Variants in ROBO2 observed in about 807,000 individuals in gnomAD.
ROBO2 encodes roundabout guidance receptor 2.
A neutral mutation model predicts 160.8 loss-of-function variants in ROBO2; 53 were observed. The ratio of observed to expected loss-of-function variants is 0.33; its 90% CI spans 0.26 to 0.41. The LOEUF (loss-of-function observed/expected upper bound fraction) is 0.41, where lower values mean the gene tolerates loss of function less well. Ranked by LOEUF, ROBO2 falls within the 10% of genes least tolerant of loss-of-function variation. The pLI is 1.00. For missense variants in ROBO2, 1,577 were observed against 1,722.4 expected (o/e 0.92, Z 1.49); for synonymous variants, 664 against 611.7 (o/e 1.09, Z -1.26).
intron 2 of ROBO2, among the ~76,000 whole-genome samples, chr3:76,317,771 C>A (rs1415506828): frequency 1.3e-5 from 2 of 151,856 alleles, no homozygotes; most frequent in African/African-American, 4.8e-5. Flanking sequence ...TGCTTAGCAA[C>A]TATACTAAGA....
intron 2 of ROBO2, among the ~76,000 whole-genome samples, chr3:77,003,679 G>A (rs185356042): frequency 6.6e-6 from 1 of 152,120 alleles, no homozygotes; most frequent in East Asian, 1.9e-4. Context: ...TCCTACCTCA[G>A]CCTCCCATTG....
intron 2 of ROBO2, among the ~76,000 whole-genome samples, chr3:76,800,617 A>G (rs1404509197): frequency 6.6e-6 from 1 of 152,192 alleles, no homozygotes; most frequent in East Asian, 1.9e-4. Context: ...ACATGTAGAA[A>G]AAGGTGCTCA....
At chr3:77,263,258 T>A (rs1019381717) in intron 2 of ROBO2, among the ~76,000 whole-genome samples, 1 of 152,204 alleles carries the variant, frequency 6.6e-6, no homozygotes, top group African/African-American at 2.4e-5. Context: ...TTAATATTTT[T>A]AAGTTTTATT....
chr3:76,586,663 T>A (rs2108780647), intron 2 of ROBO2, among the ~76,000 whole-genome samples: 1 of 152,368 alleles, frequency 6.6e-6, no homozygotes, highest in African/African-American at 2.4e-5. Context: ...TGATCACATG[T>A]GGCTAGTAGC....
At chr3:76,338,796 T>C (rs2074047022) in intron 2 of ROBO2, among the ~76,000 whole-genome samples, 1 of 151,452 alleles carries the variant, frequency 6.6e-6, no homozygotes, top group African/African-American at 2.4e-5. Flanking sequence ...TTAATAAACA[T>C]AATGAAATTG....
intron 2 of ROBO2, among the ~76,000 whole-genome samples, chr3:76,461,598 T>C (rs558945151): frequency 1.3e-5 from 2 of 152,206 alleles, no homozygotes; most frequent in African/African-American, 2.4e-5. Context: ...GAAGGAATTC[T>C]TAAGCAAGAT....
chr3:77,136,572 T>C (rs1213139056), intron 2 of ROBO2, among the ~76,000 whole-genome samples: 1 of 143,206 alleles, frequency 7.0e-6, no homozygotes, highest in Non-Finnish European at 1.5e-5. Context: ...ACTGTTGGGC[T>C]CAAGTAATCC....
intron 2 of ROBO2, among the ~76,000 whole-genome samples, chr3:76,928,279 C>T (rs1013096717): frequency 1.3e-5 from 2 of 152,030 alleles, no homozygotes; most frequent in Admixed American, 1.3e-4. Context: ...ACAAATTCCC[C>T]CCAGAGCTTC....
At chr3:77,501,719 A>G (rs1379356680) in intron 5 of ROBO2, among the ~76,000 whole-genome samples, 2 of 152,236 alleles carry the variant, frequency 1.3e-5, no homozygotes, top group African/African-American at 4.8e-5. Flanking sequence ...GAAGAAAAAA[A>G]GAAACCAGAA....
intron 1 of ROBO2, among the ~76,000 whole-genome samples, chr3:75,911,659 G>A (rs9968197): frequency 7.9e-4 from 113 of 142,312 alleles, no homozygotes; most frequent in African/African-American, 2.9e-3. Flanking sequence ...CCGGGTTCAC[G>A]CCGTTCTCCT....
At chr3:76,298,339 T>C (rs1709189249) in intron 2 of ROBO2, among the ~76,000 whole-genome samples, 1 of 152,130 alleles carries the variant, frequency 6.6e-6, no homozygotes, top group African/African-American at 2.4e-5. Flanking sequence ...TGTACGAGTT[T>C]GGATCCAATA....
chr3:76,617,729 A>G (rs2088708295), intron 2 of ROBO2, among the ~76,000 whole-genome samples: 1 of 152,128 alleles, frequency 6.6e-6, no homozygotes, highest in African/African-American at 2.4e-5. Flanking sequence ...ATGCTGCTAT[A>G]AAGAAATATC....
chr3:77,542,824 T>C (rs1367412740), intron 6 of ROBO2, among the ~76,000 whole-genome samples: 1 of 152,188 alleles, frequency 6.6e-6, no homozygotes, highest in Non-Finnish European at 1.5e-5. Flanking sequence ...CTAATCCTCA[T>C]CTACATTGCT....
intron 2 of ROBO2, among the ~76,000 whole-genome samples, chr3:75,956,369 C>T (rs1948722980): frequency 6.6e-6 from 1 of 151,616 alleles, no homozygotes; most frequent in Admixed American, 6.6e-5. Context: ...ATTCACAAGA[C>T]CTGCTCTCTG....
chr3:76,664,524 GGA>G (rs2091948455), intron 2 of ROBO2, among the ~76,000 whole-genome samples: 1 of 152,188 alleles, frequency 6.6e-6, no homozygotes. Flanking sequence ...AGTTGAGTAT[GGA>G]GCTTGGGACA....
At chr3:77,507,690 T>C (rs1163834262) in intron 5 of ROBO2, among the ~76,000 whole-genome samples, 1 of 152,174 alleles carries the variant, frequency 6.6e-6, no homozygotes. Flanking sequence ...GTTTTGAAAG[T>C]ATTTAATCCA....
chr3:76,138,079 G>A (rs1166144365), intron 2 of ROBO2, among the ~76,000 whole-genome samples: 1 of 151,908 alleles, frequency 6.6e-6, no homozygotes, highest in Non-Finnish European at 1.5e-5. Flanking sequence ...TTATCATCAT[G>A]TCCTTGGCTC....
At chr3:77,316,934 T>A (rs1289647135) in intron 2 of ROBO2, 1 of 1,260,822 alleles carries the variant, frequency 7.9e-7, no homozygotes, top group Admixed American at 1.7e-5. Flanking sequence ...GTCTGATACT[T>A]GGCTGCTGTT....
intron 2 of ROBO2, among the ~76,000 whole-genome samples, chr3:75,955,105 A>G (rs751012738): frequency 4.6e-5 from 7 of 151,832 alleles, no homozygotes; most frequent in Non-Finnish European, 8.8e-5. Context: ...TTGTTTTGCT[A>G]GTACCAATAG....
Sources: gnomAD v4.1 joint callset for allele counts (sites outside exome capture counted in the v4.1 genomes callset) on GRCh38, gnomAD v4.1.1 for gene constraint, MANE v1.5 for transcripts, NCBI Gene and HGNC (gene_info 2026-07-23, HGNC 2026-07-21) for gene names.